Variants in TNRC6B observed in about 807,000 individuals in gnomAD.
The protein encoded by TNRC6B is trinucleotide repeat-containing gene 6B protein.
TNRC6B carries 52 observed loss-of-function variants against 203.6 expected under a neutral mutation model. The observed-to-expected ratio is 0.26, with a 90% CI of 0.20 to 0.32. The LOEUF (loss-of-function observed/expected upper bound fraction) is 0.32, where lower values mean the gene tolerates loss of function less well. Among genes scored for constraint, TNRC6B ranks in the 10% least tolerant of loss-of-function variants. The probability of loss-of-function intolerance (pLI) is 1.00; values close to 1 mark genes in which losing one functional copy is unlikely to be tolerated. For synonymous variants in TNRC6B, 838 were observed against 845.7 expected (o/e 0.99, Z 0.16); for missense variants, 1,923 against 2,286.2 (o/e 0.84, Z 3.24).
intron 3 of TNRC6B, among the ~76,000 whole-genome samples, chr22:40,139,897 A>G (rs1156861067): frequency 6.6e-6 from 1 of 152,188 alleles, no homozygotes; most frequent in Non-Finnish European, 1.5e-5. Flanking sequence ...CCAGAAATGC[A>G]CGAGGGTTCC....
intron 12 of TNRC6B, among the ~76,000 whole-genome samples, chr22:40,288,100 C>T (rs561949931): frequency 3.3e-5 from 5 of 152,364 alleles, no homozygotes; most frequent in Admixed American, 1.3e-4. Context: ...CACACAAATG[C>T]ACACACACTG....
At chr22:40,066,719 T>C (rs1701267846) in intron 1 of TNRC6B, among the ~76,000 whole-genome samples, 1 of 152,116 alleles carries the variant, frequency 6.6e-6, no homozygotes, top group South Asian at 2.1e-4. Flanking sequence ...TGCTTCTCTA[T>C]ATTTGCTGGT....
At chr22:40,124,721 A>G (rs1409985907) in intron 2 of TNRC6B, among the ~76,000 whole-genome samples, 3 of 152,128 alleles carry the variant, frequency 2.0e-5, no homozygotes, top group African/African-American at 7.2e-5. Context: ...TTGAATAATT[A>G]TTCCTCAATA....
chr22:40,197,326 G>A (rs1016983295), intron 1 of TNRC6B, among the ~76,000 whole-genome samples: 3 of 151,688 alleles, frequency 2.0e-5, no homozygotes, highest in African/African-American at 2.4e-5. Context: ...GTTGCCCCTC[G>A]CTGGAGCGCA....
intron 19 of TNRC6B, 112 bp from the exon 20 acceptor site, chr22:40,315,171 T>C (rs2071241000): frequency 1.2e-6 from 1 of 817,134 alleles, no homozygotes; most frequent in Non-Finnish European, 2.0e-6. Flanking sequence ...CTATTACTTT[T>C]TAGAATATAA....
chr22:40,243,120 C>T (rs142101483), intron 1 of TNRC6B, among the ~76,000 whole-genome samples: 2,951 of 150,692 alleles, frequency 0.02, 85 homozygotes, highest in African/African-American at 0.068. Context: ...CCACCCGTCT[C>T]GGCCTCCCAA....
intron 1 of TNRC6B, among the ~76,000 whole-genome samples, chr22:40,070,393 A>G (rs1444156184): frequency 6.6e-6 from 1 of 152,202 alleles, no homozygotes; most frequent in Non-Finnish European, 1.5e-5. Context: ...AGAAAATCTC[A>G]TGCTGTTTTT....
intron 1 of TNRC6B, among the ~76,000 whole-genome samples, chr22:40,206,011 G>T (rs2069473105): frequency 6.6e-6 from 1 of 152,176 alleles, no homozygotes; most frequent in South Asian, 2.1e-4. Flanking sequence ...TGCCTCCTGG[G>T]CCTTTACCTC....
At chr22:40,058,293 AGAAT>A (rs1353907294) in intron 1 of TNRC6B, among the ~76,000 whole-genome samples, 1 of 152,260 alleles carries the variant, frequency 6.6e-6, no homozygotes, top group Non-Finnish European at 1.5e-5. Flanking sequence ...AAAGAGAAGA[AGAAT>A]GAATGAAGAT....
intron 1 of TNRC6B, among the ~76,000 whole-genome samples, chr22:40,237,166 AAAGTT>A (rs1379758696): frequency 1.3e-5 from 2 of 152,168 alleles, no homozygotes; most frequent in Non-Finnish European, 2.9e-5. Flanking sequence ...CACAAAAACA[AAAGTT>A]GATCTCTAAC....
rs559064289 is a variant in TNRC6B, at chr22:40,104,258, A to G, written c.-120-12797A>G. On this transcript the variant is annotated intron_variant, in intron 1 of 23. Coordinates refer to the TNRC6B transcript ENST00000301923. The stretch of plus-strand genomic sequence containing the variant: ...AGAGCAAGACTCCGTCTCAGGGAAG[A>G]AAAAAAATGGTTTTCATAGTCATTA... 7.0e-5 allele frequency among the ~76,000 whole-genome samples: 8 copies of G among 113,750 alleles called. No individual in the cohort carries two copies. The East Asian group carries it at 1.2e-3, about 17-fold the overall frequency. 74.6% of individuals were successfully genotyped at this position (113,750 alleles called of 152,430 possible).
intron 1 of TNRC6B, among the ~76,000 whole-genome samples, chr22:40,056,291 A>G (rs1464128993): frequency 6.6e-6 from 1 of 152,242 alleles, no homozygotes; most frequent in Non-Finnish European, 1.5e-5. Flanking sequence ...AGTGCTGATT[A>G]CACTCACAAG....
At chr22:40,255,492 C>G (rs1298540683) in intron 3 of TNRC6B, among the ~76,000 whole-genome samples, 1 of 152,206 alleles carries the variant, frequency 6.6e-6, no homozygotes, top group Non-Finnish European at 1.5e-5. Flanking sequence ...CTACTTACAG[C>G]ACCCCTCACA....
At position 40,265,577 on chromosome 22, in the gene TNRC6B, T is replaced by C; in HGVS notation, c.1347T>C (p.Asn449=). 6.2e-7 allele frequency: 1 copy of C among 1,613,582 alleles called. No homozygotes were observed. Among genetic ancestry groups the C allele is most frequent in the Non-Finnish European group, 8.5e-7 (1 of 1,179,780 alleles). The change falls in exon 5 of 23, where the codon AAT becomes AAC. Residue 449 remains asparagine (N), a synonymous_variant. Coordinates refer to ENST00000454349, the MANE Select transcript of TNRC6B (RefSeq NM_001162501.2). ...GCAATTCTGGAAACAATGGGAACAA[T>C]GGAAAAGAGAGAGAGGACTCCTGGA... ...GQSNSGNNGN[N]GKEREDSWKG... is the part of the protein sequence containing the mutation.
At chr22:40,278,556 CAAAAA>C (rs34010156) in intron 9 of TNRC6B, among the ~76,000 whole-genome samples, 198 of 78,732 alleles carry the variant, frequency 2.5e-3, no homozygotes, top group Non-Finnish European at 3.6e-3. Flanking sequence ...GACTCAGTCT[CAAAAA>C]AAAAAAAAAA....
At chr22:40,292,443 A>G (rs935510567) in intron 12 of TNRC6B, among the ~76,000 whole-genome samples, 1 of 152,058 alleles carries the variant, frequency 6.6e-6, no homozygotes, top group Non-Finnish European at 1.5e-5. Flanking sequence ...TGTTTCCTCC[A>G]GTTACTCAAA....
Position 40,329,019 on chromosome 22 carries a change from CAAAAA to C in TNRC6B, c.*5786_*5790del, listed in dbSNP as rs10707775. On this transcript the variant is annotated 3_prime_UTR_variant, in exon 23 of 23. Coordinates refer to ENST00000454349, the MANE Select transcript of TNRC6B (RefSeq NM_001162501.2). ...TTAACTATACTTCTTAGTGTTACTG[CAAAAA>C]AAAAAAACAAAAACAAAACAAAAAA... 1 of 132,606 alleles carries C rather than the reference CAAAAA, an allele frequency of 7.5e-6. No individual in the cohort carries two copies. The highest frequency in any genetic ancestry group is 1.7e-5 in the Non-Finnish European group (1 of 59,748). 8.2% of individuals were successfully genotyped at this position (132,606 alleles called of 1,614,324 possible).
At chr22:40,152,420 G>A (rs909602719) in intron 3 of TNRC6B, among the ~76,000 whole-genome samples, 17 of 152,148 alleles carry the variant, frequency 1.1e-4, no homozygotes, top group Admixed American at 5.9e-4. Context: ...TCCGCCTCCC[G>A]GGTTCATGCC....
In TNRC6B at chr22:40,329,478, C is replaced by T. The variant is rs573933573; in HGVS notation, c.*6237C>T. The T allele has an allele frequency of 6.6e-6, 1 of 151,626 alleles. No homozygotes were observed. The highest frequency in any genetic ancestry group is 6.6e-5 in the Admixed American group (1 of 15,240). 9.4% of individuals were successfully genotyped at this position (151,626 alleles called of 1,614,324 possible). A position where few individuals can be genotyped will look rare whatever the true frequency, so the allele number is the denominator to read the frequency against. ...ACAAAGGGGGTGGTAATATCACATT[C>T]TTTAGATTTGAAATAATTATCAGCT... On this transcript the variant is annotated 3_prime_UTR_variant, in exon 23 of 23. Transcript: ENST00000454349.
Sources: gnomAD v4.1 joint callset for allele counts (sites outside exome capture counted in the v4.1 genomes callset) on GRCh38, gnomAD v4.1.1 for gene constraint, MANE v1.5 for transcripts, NCBI Gene and HGNC (gene_info 2026-07-23, HGNC 2026-07-21) for gene names.